The following KBTBD12 variants were observed in gnomAD, a reference collection of about 807,000 sequenced individuals.
KBTBD12 encodes the protein kelch repeat and BTB domain-containing protein 12.
A neutral mutation model predicts 58.7 loss-of-function variants in KBTBD12; 53 were observed. That is an observed-to-expected ratio of 0.90 (90% CI 0.72 to 1.14). The LOEUF (loss-of-function observed/expected upper bound fraction) is 1.14, where lower values mean the gene tolerates loss of function less well. Ranked by LOEUF, KBTBD12 falls within the 50% of genes most tolerant of loss-of-function variation. KBTBD12 has a pLI of 0.00. For synonymous variants in KBTBD12, 236 were observed against 259.8 expected (o/e 0.91, Z 0.88); for missense variants, 704 against 751.3 (o/e 0.94, Z 0.74).
chr3:127,925,448 A>G (rs55866519), intron 2 of KBTBD12, among the ~76,000 whole-genome samples: 8,561 of 152,048 alleles, frequency 0.056, 276 homozygotes, highest in East Asian at 0.097. Flanking sequence ...GGTTCTTTAC[A>G]TAGTTTTTTT....
chr3:127,942,605 G>T (rs1293843144), intron 4 of KBTBD12, among the ~76,000 whole-genome samples: 6 of 149,378 alleles, frequency 4.0e-5, no homozygotes, highest in African/African-American at 1.5e-4. Flanking sequence ...CAATGAAGAT[G>T]AGCATTCTTG....
chr3:127,929,855 TA>T lies in KBTBD12; in HGVS notation c.1342-266del, dbSNP rs1017887006. ...TTTTAAGGCTTTGCAGTTGCTTCTT[TA>T]AAAAAAAAAAAGCTGTAATGAATGT... On this transcript the variant is annotated intron_variant, in intron 3 of 5. Transcript: ENST00000405109. Among the ~76,000 whole-genome samples the T allele has an allele frequency of 3.2e-3, 454 of 144,048 alleles. 1 individual carries two copies. Among genetic ancestry groups the T allele is most frequent in the African/African-American group, 3.0e-3 (117 of 39,520 alleles). 94.5% of individuals were successfully genotyped at this position (144,048 alleles called of 152,430 possible).
chr3:127,976,606 G>T (rs751793205), intron 5 of KBTBD12, among the ~76,000 whole-genome samples: 2 of 152,140 alleles, frequency 1.3e-5, no homozygotes, highest in Non-Finnish European at 2.9e-5. Context: ...TAATTACCTA[G>T]TCAAGATATG....
chr3:127,970,019 C>T (rs148415539), intron 5 of KBTBD12, among the ~76,000 whole-genome samples: 7 of 152,186 alleles, frequency 4.6e-5, no homozygotes, highest in African/African-American at 1.7e-4. Context: ...AGACAACCCA[C>T]AGGATGAGAG....
Position 127,930,281 on chromosome 3 carries a change from T to C in KBTBD12, c.1490T>C (p.Leu497Ser), listed in dbSNP as rs1939674069. The C allele has an allele frequency of 1.2e-6, 2 of 1,610,768 alleles. No individual in the cohort carries two copies. The highest frequency in any genetic ancestry group is 2.2e-5 in the South Asian group (2 of 90,496). Reference protein sequence around the residue: ...TAVVNSEIYVLGGIGCVGQDK... With the variant: ...TAVVNSEIYVSGGIGCVGQDK... ...GTAGTCAACAGTGAGATTTATGTTT[T>C]GGGTAAGAAGAAGCAGATTGCTAAC... is the stretch of plus-strand genomic sequence containing the variant. The change falls in exon 4 of 6, where the codon TTG becomes TCG. Residue 497 changes from leucine (L) to serine (S), a missense_variant and splice_region_variant. Physicochemically the swap from Leu to Ser is moderately radical, Grantham distance 145. Coordinates refer to ENST00000405109, the MANE Select transcript of KBTBD12 (RefSeq NM_207335.4).
intron 4 of KBTBD12, among the ~76,000 whole-genome samples, chr3:127,937,564 A>G (rs1463491028): frequency 1.3e-5 from 2 of 152,104 alleles, no homozygotes; most frequent in African/African-American, 2.4e-5. Context: ...TAGATGGGTA[A>G]TAGAGTGAGG....
chr3:127,982,168 T>C (rs925445463), intron 5 of KBTBD12, among the ~76,000 whole-genome samples: 2 of 152,160 alleles, frequency 1.3e-5, no homozygotes, highest in African/African-American at 4.8e-5. Context: ...AGCAGGAAAT[T>C]ATCAGGTGAA....
intron 4 of KBTBD12, among the ~76,000 whole-genome samples, chr3:127,938,823 C>T (rs780479742): frequency 1.6e-4 from 24 of 152,168 alleles, no homozygotes; most frequent in Admixed American, 5.2e-4. Context: ...GCACACTTCA[C>T]GTTCTCTCCC....
chr3:127,960,805 C>T (rs529669987), intron 4 of KBTBD12, among the ~76,000 whole-genome samples: 1 of 152,256 alleles, frequency 6.6e-6, no homozygotes, highest in East Asian at 1.9e-4. Flanking sequence ...TGCCTGCCAA[C>T]CAAATAGAAA....
chr3:127,932,931 C>T (rs188964439), intron 4 of KBTBD12, among the ~76,000 whole-genome samples: 100 of 152,162 alleles, frequency 6.6e-4, no homozygotes, highest in African/African-American at 2.3e-3. Context: ...GGCTAGATAT[C>T]GAGACTCATC....
At chr3:127,919,766 A>G (rs1939352752) in intron 1 of KBTBD12, among the ~76,000 whole-genome samples, 2 of 151,654 alleles carry the variant, frequency 1.3e-5, no homozygotes, top group African/African-American at 4.9e-5. Flanking sequence ...TTCATGATGT[A>G]TCTATTATCT....
At chr3:127,919,496 C>G (rs1250353330) in intron 1 of KBTBD12, among the ~76,000 whole-genome samples, 3 of 152,164 alleles carry the variant, frequency 2.0e-5, no homozygotes, top group Non-Finnish European at 4.4e-5. Flanking sequence ...CCAAAGTTCA[C>G]ACTGAACATT....
chr3:127,959,236 G>A (rs1038704641), intron 4 of KBTBD12, among the ~76,000 whole-genome samples: 2 of 152,156 alleles, frequency 1.3e-5, no homozygotes, highest in African/African-American at 4.8e-5. Context: ...CAGATATATG[G>A]GCCAGTTTAA....
chr3:127,945,915 A>G (rs1476041073), intron 4 of KBTBD12, among the ~76,000 whole-genome samples: 1 of 151,856 alleles, frequency 6.6e-6, no homozygotes, highest in Admixed American at 6.6e-5. Flanking sequence ...CTGGACTCAA[A>G]TGATCTGCCT....
intron 5 of KBTBD12, among the ~76,000 whole-genome samples, chr3:127,980,018 G>C (rs1940847138): frequency 6.6e-6 from 1 of 152,138 alleles, no homozygotes; most frequent in Non-Finnish European, 1.5e-5. Context: ...ATAAGTCTTG[G>C]GTTAAAGCAG....
intron 4 of KBTBD12, among the ~76,000 whole-genome samples, chr3:127,946,258 T>C (rs759841285): frequency 6.6e-6 from 1 of 152,228 alleles, no homozygotes; most frequent in Non-Finnish European, 1.5e-5. Context: ...CTTCCAACCT[T>C]TCAATAAAGT....
At chr3:127,942,514 G>A (rs1939974422) in intron 4 of KBTBD12, among the ~76,000 whole-genome samples, 1 of 151,716 alleles carries the variant, frequency 6.6e-6, no homozygotes, top group African/African-American at 2.4e-5. Flanking sequence ...TTTAAAGGCT[G>A]AATAATATTC....
chr3:127,951,936 A>G (rs958123356), intron 4 of KBTBD12, among the ~76,000 whole-genome samples: 1 of 152,212 alleles, frequency 6.6e-6, no homozygotes, highest in Non-Finnish European at 1.5e-5. Context: ...TTGAGTTCTC[A>G]GTAGTATAAA....
At chr3:127,979,070 C>T (rs1047826888) in intron 5 of KBTBD12, among the ~76,000 whole-genome samples, 15 of 152,138 alleles carry the variant, frequency 9.9e-5, no homozygotes, top group Non-Finnish European at 1.3e-4. Flanking sequence ...CAGGAACTTG[C>T]GGCCTACCTA....
Sources: gnomAD v4.1 joint callset for allele counts (sites outside exome capture counted in the v4.1 genomes callset) on GRCh38, gnomAD v4.1.1 for gene constraint, MANE v1.5 for transcripts, NCBI Gene and HGNC (gene_info 2026-07-23, HGNC 2026-07-21) for gene names.